PDGFRL: variants seen among roughly 807,000 people sequenced by gnomAD.
PDGFRL encodes the protein platelet-derived growth factor receptor-like protein.
A neutral mutation model predicts 37.2 loss-of-function variants in PDGFRL; 46 were observed. The observed-to-expected ratio is 1.24, with a 90% CI of 0.98 to 1.58. The LOEUF is 1.58. Ranked by LOEUF, PDGFRL falls within the 40% of genes most tolerant of loss-of-function variation. The pLI, the probability that PDGFRL is intolerant of heterozygous loss-of-function variation, is 0.00. For missense variants in PDGFRL, 692 were observed against 467.6 expected, an observed-to-expected ratio of 1.48 and a Z score of -4.43; for synonymous variants, 251 against 184.3, an observed-to-expected ratio of 1.36 and a Z score of -2.93.
Position 17,599,916 on chromosome 8 carries a change from C to G in PDGFRL, c.353+10151C>G, listed in dbSNP as rs552554354. On this transcript the variant is annotated intron_variant, in intron 2 of 5. Transcript: ENST00000251630. Reference sequence around the variant, plus strand: ...TCATCTCTACCTACTTTCCCAGGAACTTCAATACATCACTTACTGCCTCTT... The same window carrying G: ...TCATCTCTACCTACTTTCCCAGGAAGTTCAATACATCACTTACTGCCTCTT... Among the ~76,000 whole-genome samples, 73 of 152,238 alleles carry G rather than the reference C, an allele frequency of 4.8e-4. 2 individuals are homozygous for G. The highest frequency in any genetic ancestry group is 1.2e-3 in the South Asian group (6 of 4,816).
intron 3 of PDGFRL, among the ~76,000 whole-genome samples, chr8:17,623,466 C>T (rs531947370): frequency 6.6e-6 from 1 of 152,320 alleles, no homozygotes; most frequent in Admixed American, 6.5e-5. Context: ...ACTGATTCCA[C>T]ATTTCAAGTT....
At chr8:17,615,140 C>T (rs1366514541) in intron 2 of PDGFRL, among the ~76,000 whole-genome samples, 1 of 152,172 alleles carries the variant, frequency 6.6e-6, no homozygotes, top group East Asian at 1.9e-4. Context: ...TTCCGTATTG[C>T]CAGTTATGAA....
intron 1 of PDGFRL, among the ~76,000 whole-genome samples, chr8:17,582,892 C>T (rs773451564): frequency 2.6e-5 from 4 of 152,130 alleles, no homozygotes; most frequent in Non-Finnish European, 5.9e-5. Context: ...GGGGGGCAGG[C>T]CCTGCTGCTC....
intron 1 of PDGFRL, 116 bp from the exon 2 acceptor site, chr8:17,589,352 C>A: frequency 3.9e-6 from 3 of 770,938 alleles, no homozygotes; most frequent in Non-Finnish European, 4.3e-6. Flanking sequence ...TGCCACTGCC[C>A]TCCAACCTGG....
upstream of PDGFRL, chr8:17,577,175 C>G: frequency 6.4e-7 from 1 of 1,557,212 alleles, no homozygotes; most frequent in Non-Finnish European, 8.7e-7. Context: ...GGAGCCCGCC[C>G]CTCGCCCGCC....
chr8:17,609,454 G>T (rs750601778), intron 2 of PDGFRL, among the ~76,000 whole-genome samples: 1 of 151,298 alleles, frequency 6.6e-6, no homozygotes, highest in Non-Finnish European at 1.5e-5. Context: ...CGACCTGGGC[G>T]ACAGAGCGAG....
chr8:17,638,092 G>A (rs1373642248), intron 5 of PDGFRL, among the ~76,000 whole-genome samples: 1 of 152,022 alleles, frequency 6.6e-6, no homozygotes, highest in Non-Finnish European at 1.5e-5. Context: ...CTATGTTTGG[G>A]TTTGGTTTGT....
intron 2 of PDGFRL, among the ~76,000 whole-genome samples, chr8:17,614,335 T>C (rs527617694): frequency 6.6e-6 from 1 of 152,190 alleles, no homozygotes; most frequent in Non-Finnish European, 1.5e-5. Flanking sequence ...CAGCTGTCTG[T>C]TTCCCAGGAT....
chr8:17,577,150 C>G (rs551609374), upstream of PDGFRL: 1 of 1,508,586 alleles, frequency 6.6e-7, no homozygotes, highest in Non-Finnish European at 8.9e-7. Flanking sequence ...CGAATCCTCC[C>G]GCTTCGGCGT....
intron 2 of PDGFRL, among the ~76,000 whole-genome samples, chr8:17,598,997 A>T (rs956232952): frequency 6.6e-6 from 1 of 152,180 alleles, no homozygotes; most frequent in Non-Finnish European, 1.5e-5. Flanking sequence ...ACTCAGTCTC[A>T]GGTATGTCTT....
intron 4 of PDGFRL, among the ~76,000 whole-genome samples, chr8:17,630,432 G>T (rs1006383856): frequency 6.6e-6 from 1 of 152,212 alleles, no homozygotes; most frequent in African/African-American, 2.4e-5. Flanking sequence ...AGGGAGATCT[G>T]TTGGTCATGT....
At chr8:17,594,429 C>T (rs1406252638) in intron 2 of PDGFRL, among the ~76,000 whole-genome samples, 1 of 152,022 alleles carries the variant, frequency 6.6e-6, no homozygotes, top group East Asian at 1.9e-4. Flanking sequence ...TCTATAGAGA[C>T]AGGGTTTCAC....
chr8:17,620,985 G>C, intron 2 of PDGFRL, 66 bp from the exon 3 acceptor site: 1 of 1,243,114 alleles, frequency 8.0e-7, no homozygotes, highest in Non-Finnish European at 1.1e-6. Flanking sequence ...GTGGAGCCGA[G>C]TGTGACAGCT....
intron 1 of PDGFRL, among the ~76,000 whole-genome samples, chr8:17,588,882 G>T (rs780483763): frequency 2.6e-5 from 4 of 152,112 alleles, no homozygotes; most frequent in Non-Finnish European, 5.9e-5. Flanking sequence ...TGAACTACAG[G>T]CAGTAATATT....
rs1235488569 is a variant in PDGFRL at position 17,642,860 on chromosome 8, T to TG, written c.*63dup. 1.8e-6 allele frequency: 2 copies of TG among 1,139,784 alleles called. No homozygotes were observed. Among genetic ancestry groups the TG allele is most frequent in the East Asian group, 4.7e-5 (2 of 42,344 alleles). 70.6% of individuals were successfully genotyped at this position (1,139,784 alleles called of 1,614,324 possible). A position where few individuals can be genotyped will look rare whatever the true frequency, so the allele number is the denominator to read the frequency against. On this transcript the variant is annotated 3_prime_UTR_variant, in exon 6 of 6. Coordinates refer to ENST00000251630, the MANE Select transcript of PDGFRL (RefSeq NM_001372073.1). ...GCCCATTTGTGTACACAGTCAGCTT[T>TG]GGGGTTCCTTTTATTAGTGCTTTGC... is the stretch of plus-strand genomic sequence containing the variant.
chr8:17,609,166 C>A (rs1363539773), intron 2 of PDGFRL, among the ~76,000 whole-genome samples: 4 of 152,108 alleles, frequency 2.6e-5, no homozygotes, highest in African/African-American at 9.7e-5. Context: ...CACACTGCTG[C>A]ACTCCAGCCT....
At chr8:17,600,778 G>A (rs1268978891) in intron 2 of PDGFRL, among the ~76,000 whole-genome samples, 2 of 150,602 alleles carry the variant, frequency 1.3e-5, no homozygotes, top group Non-Finnish European at 2.9e-5. Flanking sequence ...CTCCAGCCTG[G>A]GCAACAGAGC....
chr8:17,634,917 C>A (rs1222861793), intron 5 of PDGFRL, among the ~76,000 whole-genome samples: 3 of 151,908 alleles, frequency 2.0e-5, no homozygotes, highest in Admixed American at 6.6e-5. Context: ...CATTTCATGA[C>A]ACGAGTTTAC....
intron 2 of PDGFRL, among the ~76,000 whole-genome samples, chr8:17,606,624 A>G (rs985389334): frequency 6.6e-6 from 1 of 152,162 alleles, no homozygotes; most frequent in East Asian, 1.9e-4. Flanking sequence ...GCTGCAGGAT[A>G]CAAGACTTCC....
Sources: allele counts gnomAD v4.1 joint callset (sites outside exome capture counted in the v4.1 genomes callset), GRCh38; gene constraint gnomAD v4.1.1; transcripts MANE v1.5; gene names NCBI Gene and HGNC (gene_info 2026-07-23, HGNC 2026-07-21).